The following ACADM variants were observed in gnomAD, a reference collection of about 807,000 sequenced individuals.
The protein encoded by ACADM is medium-chain specific acyl-CoA dehydrogenase, mitochondrial.
Under a neutral mutation model 58.9 loss-of-function variants are expected in ACADM, and 49 were observed. That is an observed-to-expected ratio of 0.83 (90% CI 0.66 to 1.06). ACADM has a LOEUF of 1.06. Among genes scored for constraint, ACADM ranks in the 50% least tolerant of loss-of-function variants. ACADM has a pLI of 0.00. For synonymous variants in ACADM, 160 were observed against 157.7 expected, an observed-to-expected ratio of 1.01 and a Z score of -0.11; for missense variants, 496 against 507.0, an observed-to-expected ratio of 0.98 and a Z score of 0.21.
rs556967568 is a variant in ACADM, at chr1:75,741,102, T to A, written c.599+992T>A. Among the ~76,000 whole-genome samples the A allele has an allele frequency of 3.2e-4, 49 of 152,348 alleles. 1 individual carries two copies. Among genetic ancestry groups the A allele is most frequent in the African/African-American group, 1.2e-3 (48 of 41,574 alleles). ...AAGTTGTCATGGGAAATACTGTATT[T>A]ACCCATCACTACAAGTATATAGAGA... On this transcript the variant is annotated intron_variant, in intron 7 of 11. Transcript: ENST00000370841.
At chr1:75,729,682 T>C (rs907011195) in intron 2 of ACADM, among the ~76,000 whole-genome samples, 1 of 150,576 alleles carries the variant, frequency 6.6e-6, no homozygotes, top group Non-Finnish European at 1.5e-5. Context: ...TTAGTAGGGA[T>C]GGGGTTTTGC....
chr1:75,733,055 C>T (rs773331172), intron 4 of ACADM, 133 bp downstream of exon 4: 58 of 1,613,152 alleles, frequency 3.6e-5, no homozygotes, highest in South Asian at 1.5e-4. Flanking sequence ...GCTCAGACTA[C>T]AGTGTTTGCC....
At chr1:75,725,135 C>CG in intron 1 of ACADM, among the ~76,000 whole-genome samples, 1 of 152,130 alleles carries the variant, frequency 6.6e-6, no homozygotes, top group East Asian at 1.9e-4. Flanking sequence ...AAAGTGACCC[C>CG]GTCTCTGTGT....
At chr1:75,739,384 C>T (rs1219488806) in intron 6 of ACADM, among the ~76,000 whole-genome samples, 3 of 152,184 alleles carry the variant, frequency 2.0e-5, no homozygotes, top group African/African-American at 7.2e-5. Flanking sequence ...ATATTCAATA[C>T]ATGTTTGCAT....
chr1:75,735,550 A>T (rs1235433083), intron 6 of ACADM, among the ~76,000 whole-genome samples: 1 of 151,914 alleles, frequency 6.6e-6, no homozygotes, highest in Non-Finnish European at 1.5e-5. Flanking sequence ...TAGTGTTTTG[A>T]ATTAGTAAAA....
At chr1:75,731,265 C>T (rs528838049) in intron 2 of ACADM, among the ~76,000 whole-genome samples, 5 of 108,222 alleles carry the variant, frequency 4.6e-5, no homozygotes, top group South Asian at 6.7e-4. Context: ...GGCGACAGAG[C>T]GAGACTCCGT....
chr1:75,728,311 G>T, intron 1 of ACADM, 90 bp from the exon 2 acceptor site: 1 of 1,020,410 alleles, frequency 9.8e-7, no homozygotes, highest in African/African-American at 1.6e-5. Context: ...GGTCAAACCA[G>T]TTGCTGTACT....
rs1292750232 is a variant in ACADM at position 75,746,305 on chromosome 1, A to G, written c.708+391A>G. On this transcript the variant is annotated intron_variant, in intron 8 of 11. Coordinates refer to ENST00000370841, the MANE Select transcript of ACADM (RefSeq NM_000016.6). ...GTGGCATTATGCCCATTTTACAGAT[A>G]AAAACAATGTGACATAACTGAGATT... is the stretch of plus-strand genomic sequence containing the variant. Among the ~76,000 whole-genome samples the G allele has an allele frequency of 3.9e-5, 6 of 152,234 alleles. 1 individual carries two copies. Among genetic ancestry groups the G allele is most frequent in the Non-Finnish European group, 4.4e-5 (3 of 68,034 alleles).
At chr1:75,745,237 A>C (rs536939205) in intron 7 of ACADM, among the ~76,000 whole-genome samples, 8 of 152,350 alleles carry the variant, frequency 5.3e-5, no homozygotes, top group Non-Finnish European at 1.0e-4. Flanking sequence ...CTGTAATCCC[A>C]GCACTTTAGA....
At chr1:75,738,273 G>T (rs991567334) in intron 6 of ACADM, among the ~76,000 whole-genome samples, 11 of 151,526 alleles carry the variant, frequency 7.3e-5, no homozygotes, top group Non-Finnish European at 1.2e-4. Flanking sequence ...GCCTAGGCTG[G>T]AGTGCAGTGG....
intron 7 of ACADM, chr1:75,744,417 A>G: frequency 6.7e-7 from 1 of 1,499,146 alleles, no homozygotes; most frequent in Non-Finnish European, 9.3e-7. Flanking sequence ...CAATCATGCC[A>G]TTTGCTGGTG....
chr1:75,726,384 C>T (rs1250875), intron 1 of ACADM, among the ~76,000 whole-genome samples: 139,371 of 150,358 alleles, frequency 0.93, 64,832 homozygotes, highest in African/African-American at 0.97. Context: ...AAAAAAAGTC[C>T]CTCAGTAGAC....
chr1:75,746,302 G>T (rs958722723), intron 8 of ACADM, among the ~76,000 whole-genome samples: 17 of 152,062 alleles, frequency 1.1e-4, no homozygotes, highest in African/African-American at 4.1e-4. Context: ...CCATTTTACA[G>T]ATAAAAACAA....
chr1:75,732,507 A>G (rs1159450633), intron 2 of ACADM, 137 bp from the exon 3 acceptor site: 11 of 754,806 alleles, frequency 1.5e-5, no homozygotes, highest in Non-Finnish European at 2.1e-5. Context: ...TGATTAGTCA[A>G]AAAATGCACT....
At chr1:75,726,779 A>C (rs566640092) in intron 1 of ACADM, among the ~76,000 whole-genome samples, 5 of 151,364 alleles carry the variant, frequency 3.3e-5, no homozygotes, top group Non-Finnish European at 7.4e-5. Context: ...CTGGACAATA[A>C]GCACCAGAGA....
chr1:75,757,153 G>A (rs1319565762), intron 10 of ACADM, among the ~76,000 whole-genome samples: 3 of 152,134 alleles, frequency 2.0e-5, no homozygotes, highest in Non-Finnish European at 4.4e-5. Flanking sequence ...CATGGGCAAG[G>A]ACTTCATGTC....
chr1:75,744,787 G>A (rs1435234997), intron 7 of ACADM: 1 of 607,000 alleles, frequency 1.6e-6, no homozygotes, highest in Admixed American at 2.6e-5. Flanking sequence ...CGGCGGCCGG[G>A]TCTCCGTTTT....
At chr1:75,738,033 C>T (rs1146576) in intron 6 of ACADM, among the ~76,000 whole-genome samples, 4,765 of 152,058 alleles carry the variant, frequency 0.031, 248 homozygotes, top group African/African-American at 0.11. Context: ...TCTCCTGCCT[C>T]AGCCTCCCAA....
chr1:75,761,373 A>G lies in ACADM; in HGVS notation c.1194+3A>G, dbSNP rs369945009. On this transcript the variant is annotated splice_donor_region_variant and intron_variant, in intron 11 of 11. Transcript: ENST00000370841. ...TGAGGGATGCCAAAATCTATCAGGT[A>G]AGGTTAAAGATGATTTTTTTGGTTT... The G allele has an allele frequency of 4.3e-6, 7 of 1,613,604 alleles. No homozygotes were observed. The highest frequency in any genetic ancestry group is 4.2e-6 in the Non-Finnish European group (5 of 1,179,802).
Sources: allele counts gnomAD v4.1 joint callset (sites outside exome capture counted in the v4.1 genomes callset), GRCh38; gene constraint gnomAD v4.1.1; transcripts MANE v1.5; gene names NCBI Gene and HGNC (gene_info 2026-07-23, HGNC 2026-07-21).